The following IPP variants were observed in gnomAD, a reference collection of about 807,000 sequenced individuals.
IPP encodes intracisternal A particle-promoted polypeptide.
In IPP, 41 loss-of-function variants were observed where a neutral mutation model predicts 64.1. The ratio of observed to expected loss-of-function variants is 0.64; its 90% CI spans 0.50 to 0.83. The LOEUF is 0.83. Ranked by LOEUF, IPP falls within the 40% of genes least tolerant of loss-of-function variation. The probability of loss-of-function intolerance (pLI) is 0.00; values close to 1 mark genes in which losing one functional copy is unlikely to be tolerated. For missense variants in IPP, 649 were observed against 703.0 expected (o/e 0.92, Z 0.87); for synonymous variants, 214 against 235.2 (o/e 0.91, Z 0.83).
chr1:45,735,873 A>G (rs1645974159), intron 3 of IPP, among the ~76,000 whole-genome samples: 1 of 150,290 alleles, frequency 6.7e-6, no homozygotes, highest in African/African-American at 2.5e-5. Flanking sequence ...GCACTTTGGG[A>G]GGCCAAGGAG....
intron 3 of IPP, among the ~76,000 whole-genome samples, chr1:45,735,200 C>T (rs1356033131): frequency 6.6e-6 from 1 of 152,044 alleles, no homozygotes; most frequent in Non-Finnish European, 1.5e-5. Context: ...TCTCCTGCCT[C>T]AGCCTCCAGA....
At chr1:45,741,628 T>TAAGTCACTTGTCCACAAG (rs1307150264) in intron 2 of IPP, among the ~76,000 whole-genome samples, 17 of 96,452 alleles carry the variant, frequency 1.8e-4, no homozygotes, top group Admixed American at 3.9e-4. Context: ...ATTTTCTTTT[T>TAAGTCACTTGTCCACAAG]TTTTTTTTTT....
chr1:45,705,097 G>T (rs1645499436), intron 8 of IPP, among the ~76,000 whole-genome samples: 1 of 152,224 alleles, frequency 6.6e-6, no homozygotes, highest in African/African-American at 2.4e-5. Context: ...CCTCAATAAG[G>T]TTGTTTTCTT....
At chr1:45,741,411 G>T (rs1272919730) in intron 2 of IPP, 79 bp from the exon 3 acceptor site, 2 of 977,784 alleles carry the variant, frequency 2.0e-6, no homozygotes, top group Non-Finnish European at 3.1e-6. Flanking sequence ...TATTATACTT[G>T]ATTTCACTGA....
chr1:45,737,727 G>A lies in IPP; in HGVS notation c.724+3174C>T, dbSNP rs193088688. On this transcript the variant is annotated intron_variant, in intron 3 of 8. Transcript: ENST00000396478. ...TGCCCACCTCATCCTCCCAAAGTGCGGGGATTACAGGCATGAGCCACCGTG... is the reference window on the plus strand; with the variant it reads ...TGCCCACCTCATCCTCCCAAAGTGCAGGGATTACAGGCATGAGCCACCGTG... Among the ~76,000 whole-genome samples the A allele has an allele frequency of 2.6e-5, 4 of 152,028 alleles. No individual in the cohort carries two copies. The East Asian group carries it at 5.8e-4, about 22-fold the overall frequency.
chr1:45,730,369 AAG>A (rs900258027), intron 3 of IPP, among the ~76,000 whole-genome samples: 1 of 152,238 alleles, frequency 6.6e-6, no homozygotes, highest in African/African-American at 2.4e-5. Context: ...AAAAAAAAAA[AAG>A]AAGAATTTCC....
At chr1:45,704,743 GGGTGGCTATGAGGTAGAAGGT>G (rs1420703318) in intron 8 of IPP, among the ~76,000 whole-genome samples, 1 of 152,236 alleles carries the variant, frequency 6.6e-6, no homozygotes, top group Non-Finnish European at 1.5e-5. Context: ...TGTTTACTGA[GGGTGGCTATGAGGTAGAAGGT>G]GGTGAATCAA....
At chr1:45,705,948 C>G (rs142427953) in intron 8 of IPP, among the ~76,000 whole-genome samples, 9 of 152,076 alleles carry the variant, frequency 5.9e-5, no homozygotes, top group African/African-American at 2.2e-4. Flanking sequence ...AAAACAGGTA[C>G]GCAGAAGGGG....
At chr1:45,747,485 C>T (rs1020102796) in intron 1 of IPP, among the ~76,000 whole-genome samples, 1 of 152,116 alleles carries the variant, frequency 6.6e-6, no homozygotes, top group Non-Finnish European at 1.5e-5. Flanking sequence ...CACCATATCA[C>T]ACTGCATAGG....
intron 4 of IPP, 22 bp downstream of exon 4, chr1:45,729,592 A>G (rs747084816): frequency 4.4e-6 from 7 of 1,578,818 alleles, no homozygotes; most frequent in Non-Finnish European, 6.1e-6. Flanking sequence ...AATTTCTATT[A>G]CTTTTTTAAG....
At chr1:45,700,316 G>C in intron 8 of IPP, 126 bp from the exon 9 acceptor site, 1 of 1,322,450 alleles carries the variant, frequency 7.6e-7, no homozygotes, top group Non-Finnish European at 1.0e-6. Flanking sequence ...AGTCAGGTAA[G>C]CATACAGATT....
At chr1:45,736,866 C>T (rs981963627) in intron 3 of IPP, among the ~76,000 whole-genome samples, 5 of 151,470 alleles carry the variant, frequency 3.3e-5, no homozygotes, top group African/African-American at 1.2e-4. Flanking sequence ...GGTGAAACCC[C>T]GTCTCTGCTA....
chr1:45,741,918 G>A lies in IPP; in HGVS notation c.293-586C>T, dbSNP rs1298764415. Among the ~76,000 whole-genome samples the A allele has an allele frequency of 1.8e-4, 14 of 77,970 alleles. 3 individuals are homozygous for A. Among genetic ancestry groups the A allele is most frequent in the African/African-American group, 3.3e-4 (8 of 24,110 alleles). 51.2% of individuals were successfully genotyped at this position (77,970 alleles called of 152,430 possible). A position where few individuals can be genotyped will look rare whatever the true frequency, so the allele number is the denominator to read the frequency against. On this transcript the variant is annotated intron_variant, in intron 2 of 8. Transcript: ENST00000396478. The stretch of plus-strand genomic sequence containing the variant: ...GCTGGGATTACAGGCGTGAGCCACC[G>A]CGCCCAGCCTTATTTTCATATTAAA...
chr1:45,726,160 T>TAAAAA (rs71062704), intron 5 of IPP, among the ~76,000 whole-genome samples: 1 of 141,318 alleles, frequency 7.1e-6, no homozygotes, highest in Non-Finnish European at 1.5e-5. Context: ...ACCCCATCTC[T>TAAAAA]AAAAAAAAAA....
At chr1:45,727,538 A>C in intron 5 of IPP, 93 bp downstream of exon 5, 1 of 590,834 alleles carries the variant, frequency 1.7e-6, no homozygotes, top group Non-Finnish European at 2.7e-6. Context: ...ACAATTAGAT[A>C]TATGTATATC....
At chr1:45,742,646 A>T (rs1400005289) in intron 2 of IPP, among the ~76,000 whole-genome samples, 2 of 151,166 alleles carry the variant, frequency 1.3e-5, no homozygotes, top group Non-Finnish European at 2.9e-5. Context: ...TGAGCCTCCC[A>T]CCTCAACCTC....
intron 8 of IPP, among the ~76,000 whole-genome samples, chr1:45,706,040 T>C (rs1391275437): frequency 1.3e-5 from 2 of 152,092 alleles, no homozygotes; most frequent in Admixed American, 6.6e-5. Flanking sequence ...CCTTCAGTCT[T>C]TGACTGAATA....
chr1:45,749,742 G>A (rs1027770584), intron 1 of IPP, among the ~76,000 whole-genome samples: 1 of 151,680 alleles, frequency 6.6e-6, no homozygotes, highest in East Asian at 1.9e-4. Flanking sequence ...GGATGGTCTC[G>A]ATCTCCTGAC....
At position 45,729,727 on chromosome 1, in the gene IPP, A is replaced by C. The variant is rs1348876445; in HGVS notation, c.767T>G (p.Leu256Arg). 2 of 1,603,744 alleles carry C rather than the reference A, an allele frequency of 1.2e-6. No individual in the cohort carries two copies. The highest frequency in any genetic ancestry group is 1.7e-5 in the Admixed American group (1 of 58,696). Reference protein sequence around the residue: ...FNLRVALQTLLKEYCEVCKSP... With the variant: ...FNLRVALQTLRKEYCEVCKSP... ...TTTGCATACTTCACAGTACTCTTTCAGAAGTGTTTGCAATGCAACACGAAG... is the reference window on the plus strand; with the variant it reads ...TTTGCATACTTCACAGTACTCTTTCCGAAGTGTTTGCAATGCAACACGAAG... Residue 256 changes from leucine to arginine, a missense_variant, in exon 4 of 9, where the codon CTG becomes CGG. Leu to Arg is a moderately radical substitution (Grantham distance 102). Coordinates refer to ENST00000396478, the MANE Select transcript of IPP (RefSeq NM_005897.3).
Sources: gnomAD v4.1 joint callset for allele counts (sites outside exome capture counted in the v4.1 genomes callset) on GRCh38, gnomAD v4.1.1 for gene constraint, MANE v1.5 for transcripts, NCBI Gene and HGNC (gene_info 2026-07-23, HGNC 2026-07-21) for gene names.